Variants in PCDHGC4 observed in about 807,000 individuals in gnomAD.
PCDHGC4 encodes protocadherin gamma-C4.
In PCDHGC4, 15 loss-of-function variants were observed where a neutral mutation model predicts 59.7. The ratio of observed to expected loss-of-function variants is 0.25; its 90% CI spans 0.17 to 0.39. The LOEUF is 0.39. Ranked by LOEUF, PCDHGC4 falls within the 10% of genes least tolerant of loss-of-function variation. PCDHGC4 has a pLI of 1.00. For missense variants in PCDHGC4, 1,016 were observed against 1,189.5 expected, an observed-to-expected ratio of 0.85 and a Z score of 2.15; for synonymous variants, 434 against 481.4, an observed-to-expected ratio of 0.90 and a Z score of 1.29.
Position 141,486,388 on chromosome 5 carries a change from C to T in PCDHGC4, c.1215C>T (p.Phe405=), listed in dbSNP as rs2099628930. ...TCAAGTCTGCCTTCAGGAACCAGTT[C>T]TCCCTGGTGACTGCTGGACCCTTGG... ...FALKSAFRNQ[F]SLVTAGPLDR... Residue 405 remains phenylalanine, a synonymous_variant, in exon 1 of 4, where the codon TTC becomes TTT. Coordinates refer to ENST00000306593, the MANE Select transcript of PCDHGC4 (RefSeq NM_018928.3). This position sits in a 1 kb window ranked among gnomAD's most constrained non-coding sequence, Gnocchi z 5.0. 2 of 1,613,988 alleles carry T rather than the reference C, an allele frequency of 1.2e-6. No individual in the cohort carries two copies. The highest frequency in any genetic ancestry group is 2.7e-5 in the African/African-American group (2 of 74,924).
chr5:141,489,246 G>A lies in PCDHGC4; in HGVS notation c.2442+1631G>A, dbSNP rs141115698. On this transcript the variant is annotated intron_variant, in intron 1 of 3. Coordinates refer to ENST00000306593, the MANE Select transcript of PCDHGC4 (RefSeq NM_018928.3). The surrounding 1 kb of genome is among the most constrained non-coding windows in gnomAD (Gnocchi z 4.5). Reference sequence around the variant, plus strand: ...CACAAAGGGACTTCTGGGTCATGGGGCCCAAGACACTCCCACAGCTCGCTG... The same window carrying A: ...CACAAAGGGACTTCTGGGTCATGGGACCCAAGACACTCCCACAGCTCGCTG... 750 of 1,544,746 alleles carry A rather than the reference G, an allele frequency of 4.9e-4. No homozygotes were observed. The highest frequency in any genetic ancestry group is 6.3e-4 in the Non-Finnish European group (726 of 1,145,538).
At chr5:141,509,040 C>G (rs1217864661) in intron 3 of PCDHGC4, among the ~76,000 whole-genome samples, 1 of 152,132 alleles carries the variant, frequency 6.6e-6, no homozygotes, top group Non-Finnish European at 1.5e-5. Context: ...CAACCCCTCT[C>G]CCCCGCCCCC....
intron 2 of PCDHGC4, 114 bp from the exon 3 acceptor site, chr5:141,505,279 C>T: frequency 6.5e-7 from 1 of 1,541,274 alleles, no homozygotes; most frequent in Non-Finnish European, 8.7e-7. Context: ...AGAAACAGGT[C>T]TTGGGCATGG....
chr5:141,501,228 A>G (rs1054674676), intron 2 of PCDHGC4, among the ~76,000 whole-genome samples: 10 of 149,588 alleles, frequency 6.7e-5, no homozygotes, highest in African/African-American at 2.5e-4. Context: ...TAGATTTCTC[A>G]GTTTTTTGAG....
Position 141,491,874 on chromosome 5 carries a change from T to G in PCDHGC4, c.2443-2933T>G, listed in dbSNP as rs1160702024. On this transcript the variant is annotated intron_variant, in intron 1 of 3. Coordinates refer to ENST00000306593, the MANE Select transcript of PCDHGC4 (RefSeq NM_018928.3). The surrounding 1 kb of genome is among the most constrained non-coding windows in gnomAD (Gnocchi z 6.9). ...GTTTGCGCGAAACCAGAGTGGCCGA[T>G]TAAGGGATGGGGCTCCGAGCACCGG... 15 of 1,451,168 alleles carry G rather than the reference T, an allele frequency of 1.0e-5. No homozygotes were observed. The highest frequency in any genetic ancestry group is 1.4e-5 in the Non-Finnish European group (15 of 1,098,162). 89.9% of individuals were successfully genotyped at this position (1,451,168 alleles called of 1,614,324 possible). A position where few individuals can be genotyped will look rare whatever the true frequency, so the allele number is the denominator to read the frequency against.
intron 3 of PCDHGC4, among the ~76,000 whole-genome samples, chr5:141,508,772 C>T (rs1015277795): frequency 5.3e-5 from 8 of 152,070 alleles, no homozygotes; most frequent in African/African-American, 1.2e-4. Flanking sequence ...TGAGGTCCCC[C>T]CTCTAGCCCC....
At position 141,487,339 on chromosome 5, in the gene PCDHGC4, A is replaced by T; in HGVS notation, c.2166A>T (p.Gly722=). The change falls in exon 1 of 4, where the codon GGA becomes GGT. Residue 722 remains glycine, a synonymous_variant. Coordinates refer to ENST00000306593, the MANE Select transcript of PCDHGC4 (RefSeq NM_018928.3). The surrounding 1 kb of genome is among the most constrained non-coding windows in gnomAD (Gnocchi z 5.0). The part of the protein sequence containing the change: ...LSKCLRGAAC[G]VTCFPAGTCA... ...AGTGTCTTCGTGGGGCAGCCTGTGG[A>T]GTCACATGCTTTCCTGCTGGCACCT... The T allele has an allele frequency of 1.9e-6, 3 of 1,614,096 alleles. No individual in the cohort carries two copies. Among genetic ancestry groups the T allele is most frequent in the Non-Finnish European group, 2.5e-6 (3 of 1,180,000 alleles).
rs1055042563 is a variant in PCDHGC4, at chr5:141,512,805, C to G, written c.*1632C>G. On this transcript the variant is annotated 3_prime_UTR_variant, in exon 4 of 4. Coordinates refer to ENST00000306593, the MANE Select transcript of PCDHGC4 (RefSeq NM_018928.3). ...TGTTGTGTTTTGTGCTGTGTCCACG[C>G]GCTAAGGCGACCCCCTCCCCCGTAC... 3.0e-4 allele frequency: 46 copies of G among 152,378 alleles called. No individual in the cohort carries two copies. Among genetic ancestry groups the G allele is most frequent in the African/African-American group, 9.9e-4 (41 of 41,570 alleles). The allele number at this position is 152,378 out of a possible 1,614,324, so 9.4% of individuals were successfully genotyped here.
Position 141,485,752 on chromosome 5 carries a change from G to A in PCDHGC4, c.579G>A (p.Glu193=). 1 of 1,614,232 alleles carries A rather than the reference G, an allele frequency of 6.2e-7. No individual in the cohort carries two copies. Among genetic ancestry groups the A allele is most frequent in the Middle Eastern group, 1.6e-4 (1 of 6,062 alleles). ...KKRSDGSLVP[E]LLLEKPLDRE... ...GCAGCGACGGCAGCCTGGTCCCAGA[G>A]CTGCTCCTGGAGAAGCCTTTGGATC... Residue 193 remains glutamate (E), a synonymous_variant, in exon 1 of 4, where the codon GAG becomes GAA. Coordinates refer to ENST00000306593, the MANE Select transcript of PCDHGC4 (RefSeq NM_018928.3). This position sits in a 1 kb window ranked among gnomAD's most constrained non-coding sequence, Gnocchi z 5.7.
intron 2 of PCDHGC4, among the ~76,000 whole-genome samples, chr5:141,503,085 C>T (rs1284066265): frequency 6.6e-6 from 1 of 152,044 alleles, no homozygotes; most frequent in Non-Finnish European, 1.5e-5. Context: ...GATCTCCTGA[C>T]CTCGTGGTCT....
At chr5:141,499,461 A>G (rs1448103747) in intron 2 of PCDHGC4, among the ~76,000 whole-genome samples, 2 of 152,226 alleles carry the variant, frequency 1.3e-5, no homozygotes. Flanking sequence ...TCATTTTACA[A>G]TCTAGGGAGA....
At position 141,511,345 on chromosome 5, in the gene PCDHGC4, T is replaced by C; in HGVS notation, c.*172T>C. ...AAGTGCCCAGTCAGCACCTACCCCT[T>C]CCCCCCCAGGGGGTTGAATATGCAA... On this transcript the variant is annotated 3_prime_UTR_variant, in exon 4 of 4. Transcript: ENST00000306593. The C allele has an allele frequency of 1.4e-6, 2 of 1,410,502 alleles. No homozygotes were observed. The highest frequency in any genetic ancestry group is 9.4e-7 in the Non-Finnish European group (1 of 1,060,676). 87.4% of individuals were successfully genotyped at this position (1,410,502 alleles called of 1,614,324 possible).
intron 3 of PCDHGC4, 79 bp downstream of exon 3, chr5:141,505,560 G>A: frequency 6.2e-7 from 1 of 1,604,768 alleles, no homozygotes; most frequent in South Asian, 1.1e-5. Context: ...CATGCCCACG[G>A]ACTGGATGTC....
Position 141,512,574 on chromosome 5 carries a change from C to G in PCDHGC4, c.*1401C>G, listed in dbSNP as rs1429371202. 2 of 152,884 alleles carry G rather than the reference C, an allele frequency of 1.3e-5. No homozygotes were observed. Among genetic ancestry groups the G allele is most frequent in the South Asian group, 2.1e-4 (1 of 4,836 alleles). 9.5% of individuals were successfully genotyped at this position (152,884 alleles called of 1,614,324 possible). On this transcript the variant is annotated 3_prime_UTR_variant, in exon 4 of 4. Transcript: ENST00000306593. ...GTGCATAGACCTTCTTCTCCCACCC[C>G]CTTCTGCCCCTGGGTCCCCGGCCAT...
In PCDHGC4 at chr5:141,511,259, A is replaced by G; in HGVS notation, c.*86A>G. On this transcript the variant is annotated 3_prime_UTR_variant, in exon 4 of 4. Transcript: ENST00000306593. ...ACCTGCACCCAGGCCTCAGAGTTTCAGGGCTAACCCCCAGAATACTGGTAG... is the reference window on the plus strand; with the variant it reads ...ACCTGCACCCAGGCCTCAGAGTTTCGGGGCTAACCCCCAGAATACTGGTAG... 1.3e-6 allele frequency: 2 copies of G among 1,559,840 alleles called. No individual in the cohort carries two copies. The highest frequency in any genetic ancestry group is 1.7e-6 in the Non-Finnish European group (2 of 1,152,466).
At chr5:141,488,083 C>T (rs917074240) in intron 1 of PCDHGC4, among the ~76,000 whole-genome samples, 1 of 152,152 alleles carries the variant, frequency 6.6e-6, no homozygotes, top group African/African-American at 2.4e-5. Context: ...GTATCTAGTA[C>T]ACTGTGAAGG....
Position 141,489,363 on chromosome 5 carries a change from G to A in PCDHGC4, c.2442+1748G>A, listed in dbSNP as rs767837736. On this transcript the variant is annotated intron_variant, in intron 1 of 3. Transcript: ENST00000306593. This position sits in a 1 kb window ranked among gnomAD's most constrained non-coding sequence, Gnocchi z 4.5. ...ACTCAGTGGTGGAGGAGTCTGAGCC[G>A]GGGACGCTGGTGGGGAATGTTGCTC... 46 of 1,613,114 alleles carry A rather than the reference G, an allele frequency of 2.9e-5. 1 individual carries two copies. In the South Asian group the frequency reaches 3.4e-4, roughly 12 times the overall value.
chr5:141,511,267 C>A lies in PCDHGC4; in HGVS notation c.*94C>A, dbSNP rs1223074819. The A allele has an allele frequency of 6.5e-7, 1 of 1,549,404 alleles. No individual in the cohort carries two copies. Among genetic ancestry groups the A allele is most frequent in the Non-Finnish European group, 8.7e-7 (1 of 1,146,836 alleles). Reference sequence around the variant, plus strand: ...CCAGGCCTCAGAGTTTCAGGGCTAACCCCCAGAATACTGGTAGGGGCCAAG... The same window carrying A: ...CCAGGCCTCAGAGTTTCAGGGCTAAACCCCAGAATACTGGTAGGGGCCAAG... On this transcript the variant is annotated 3_prime_UTR_variant, in exon 4 of 4. Coordinates refer to ENST00000306593, the MANE Select transcript of PCDHGC4 (RefSeq NM_018928.3).
chr5:141,488,807 C>G (rs2099679535), intron 1 of PCDHGC4, among the ~76,000 whole-genome samples: 1 of 152,170 alleles, frequency 6.6e-6, no homozygotes, highest in Non-Finnish European at 1.5e-5. Flanking sequence ...TGAGTACCAT[C>G]TGAGCTGTCA....
Sources: allele counts gnomAD v4.1 joint callset (sites outside exome capture counted in the v4.1 genomes callset), GRCh38; gene constraint gnomAD v4.1.1; non-coding constraint Gnocchi (gnomAD v3.1); transcripts MANE v1.5; gene names NCBI Gene and HGNC (gene_info 2026-07-23, HGNC 2026-07-21).